Variants in CSMD1 observed in about 807,000 individuals in gnomAD.
The protein encoded by CSMD1 is CUB and sushi domain-containing protein 1.
A neutral mutation model predicts 417.5 loss-of-function variants in CSMD1; 213 were observed. The ratio of observed to expected loss-of-function variants is 0.51; its 90% confidence interval spans 0.46 to 0.57. The LOEUF (loss-of-function observed/expected upper bound fraction) is 0.57. Ranked by LOEUF, CSMD1 falls within the 20% of genes least tolerant of loss-of-function variation. CSMD1 has a pLI of 0.00. For synonymous variants in CSMD1, 2,862 were observed against 1,736.8 expected, an observed-to-expected ratio of 1.65 and a Z score of -16.11; for missense variants, 6,923 against 4,529.7, an observed-to-expected ratio of 1.53 and a Z score of -15.17.
intron 1 of CSMD1, among the ~76,000 whole-genome samples, chr8:4,657,707 C>T (rs2130912030): frequency 6.7e-6 from 1 of 149,582 alleles, no homozygotes; most frequent in South Asian, 2.1e-4. Context: ...ATATGACCCA[C>T]TCACAAAAGA....
intron 23 of CSMD1, among the ~76,000 whole-genome samples, chr8:3,324,690 G>A (rs1329945702): frequency 9.6e-5 from 14 of 145,704 alleles, no homozygotes; most frequent in African/African-American, 7.6e-5. Flanking sequence ...CCCACTTTTC[G>A]TCACTGTTAA....
chr8:4,822,953 C>G (rs187891363), intron 1 of CSMD1, among the ~76,000 whole-genome samples: 1 of 152,062 alleles, frequency 6.6e-6, no homozygotes, highest in Admixed American at 6.6e-5. Flanking sequence ...CGGACTTTGC[C>G]TCTGATGATC....
At chr8:4,538,541 G>A (rs975905827) in intron 2 of CSMD1, among the ~76,000 whole-genome samples, 1 of 152,036 alleles carries the variant, frequency 6.6e-6, no homozygotes, top group Non-Finnish European at 1.5e-5. Context: ...TACTTGGGAG[G>A]CTGAGGCAGG....
At chr8:3,933,859 T>A (rs1390443467) in intron 5 of CSMD1, among the ~76,000 whole-genome samples, 1 of 152,134 alleles carries the variant, frequency 6.6e-6, no homozygotes, top group Non-Finnish European at 1.5e-5. Flanking sequence ...TCTGAACTAT[T>A]TTTTTCACAT....
chr8:3,440,071 G>C (rs7834776), intron 12 of CSMD1, among the ~76,000 whole-genome samples: 4 of 151,570 alleles, frequency 2.6e-5, no homozygotes, highest in Non-Finnish European at 4.4e-5. Context: ...ATAATATGCA[G>C]TGAAATTGGG....
At chr8:3,386,360 A>G (rs1811003462) in intron 18 of CSMD1, among the ~76,000 whole-genome samples, 3 of 152,112 alleles carry the variant, frequency 2.0e-5, no homozygotes, top group Admixed American at 6.6e-5. Flanking sequence ...ACTCCTGCCC[A>G]GAGTGCAGCA....
intron 3 of CSMD1, among the ~76,000 whole-genome samples, chr8:4,332,046 A>AT (rs1226430693): frequency 1.3e-5 from 2 of 152,142 alleles, no homozygotes; most frequent in African/African-American, 4.8e-5. Context: ...TGTGGTTTTT[A>AT]TTTTTTATCT....
intron 42 of CSMD1, among the ~76,000 whole-genome samples, chr8:3,117,164 G>A (rs1816923366): frequency 1.3e-5 from 2 of 152,080 alleles, no homozygotes; most frequent in African/African-American, 4.8e-5. Context: ...TCAGCCTCCT[G>A]GGTTCCCGCC....
chr8:4,663,729 A>G (rs1006149584), intron 1 of CSMD1, among the ~76,000 whole-genome samples: 1 of 152,190 alleles, frequency 6.6e-6, no homozygotes. Context: ...TCTTTTAAAT[A>G]AATTGCCCAG....
intron 5 of CSMD1, among the ~76,000 whole-genome samples, chr8:3,773,970 A>T (rs991289984): frequency 1.3e-5 from 2 of 152,180 alleles, no homozygotes; most frequent in African/African-American, 4.8e-5. Context: ...TGCCTGGATT[A>T]ACCCTGCATC....
chr8:3,086,867 T>G (rs1585313516), intron 49 of CSMD1, among the ~76,000 whole-genome samples: 1 of 152,248 alleles, frequency 6.6e-6, no homozygotes, highest in East Asian at 1.9e-4. Context: ...TTAGAATAAC[T>G]TGACCCAGGA....
chr8:3,940,600 CAT>C (rs1449043910), intron 5 of CSMD1, among the ~76,000 whole-genome samples: 9 of 150,248 alleles, frequency 6.0e-5, no homozygotes, highest in African/African-American at 2.2e-4. Context: ...CAAAAAAGAA[CAT>C]ATACACCACA....
At chr8:4,093,513 G>A (rs997462450) in intron 3 of CSMD1, among the ~76,000 whole-genome samples, 1 of 152,058 alleles carries the variant, frequency 6.6e-6, no homozygotes, top group African/African-American at 2.4e-5. Flanking sequence ...TGATTCAAAG[G>A]AATATAGTGA....
At chr8:4,119,516 T>G (rs1288212113) in intron 3 of CSMD1, among the ~76,000 whole-genome samples, 1 of 152,058 alleles carries the variant, frequency 6.6e-6, no homozygotes, top group Non-Finnish European at 1.5e-5. Context: ...TATTTGTAGG[T>G]GGGGTGCTTG....
chr8:4,933,199 T>G (rs556568451), intron 1 of CSMD1, among the ~76,000 whole-genome samples: 3 of 152,264 alleles, frequency 2.0e-5, no homozygotes, highest in African/African-American at 7.2e-5. Context: ...GCTCCCTCCC[T>G]CTCTTCTGTC....
intron 1 of CSMD1, among the ~76,000 whole-genome samples, chr8:4,859,426 T>TAAACTC (rs747945106): frequency 1.4e-4 from 21 of 150,684 alleles, no homozygotes; most frequent in Admixed American, 1.3e-3. Flanking sequence ...GGGATCTAAT[T>TAAACTC]AAGAGCTTCT....
chr8:3,643,604 G>C (rs1309817463), intron 7 of CSMD1, among the ~76,000 whole-genome samples: 2 of 151,326 alleles, frequency 1.3e-5, no homozygotes, highest in African/African-American at 4.9e-5. Flanking sequence ...GGGCGGCTGA[G>C]GCAGGAGAAT....
chr8:4,475,177 T>C (rs1800733360), intron 2 of CSMD1, among the ~76,000 whole-genome samples: 1 of 152,218 alleles, frequency 6.6e-6, no homozygotes, highest in Admixed American at 6.5e-5. Flanking sequence ...TATGGTTGCC[T>C]ATAATACAGG....
chr8:4,680,325 G>A (rs1321159598), intron 1 of CSMD1, among the ~76,000 whole-genome samples: 1 of 152,180 alleles, frequency 6.6e-6, no homozygotes, highest in Non-Finnish European at 1.5e-5. Context: ...TCAAAAATCT[G>A]AAAGCACCGG....
Sources: gnomAD v4.1 joint callset for allele counts (sites outside exome capture counted in the v4.1 genomes callset) on GRCh38, gnomAD v4.1.1 for gene constraint, MANE v1.5 for transcripts, NCBI Gene and HGNC (gene_info 2026-07-23, HGNC 2026-07-21) for gene names.